POU6F2: variants seen among roughly 807,000 people sequenced by gnomAD.
POU6F2 encodes the protein POU domain, class 6, transcription factor 2.
Under a neutral mutation model 71.3 loss-of-function variants are expected in POU6F2, and 31 were observed. That is an observed-to-expected ratio of 0.43 (90% CI 0.33 to 0.59). POU6F2 has a LOEUF of 0.59. POU6F2 is among the 20% of genes least tolerant of loss of function. POU6F2 has a pLI of 0.04. For missense variants in POU6F2, 783 were observed against 856.8 expected, an observed-to-expected ratio of 0.91 and a Z score of 1.07; for synonymous variants, 347 against 355.7, an observed-to-expected ratio of 0.98 and a Z score of 0.27.
chr7:39,273,561 G>A (rs1164058947), intron 4 of POU6F2, among the ~76,000 whole-genome samples: 1 of 152,208 alleles, frequency 6.6e-6, no homozygotes, highest in Non-Finnish European at 1.5e-5. Context: ...ACAGGCCAGA[G>A]GAGACTGGGG....
At chr7:39,373,422 G>A (rs994302073) in intron 5 of POU6F2, 14 of 456,562 alleles carry the variant, frequency 3.1e-5, no homozygotes, top group African/African-American at 1.2e-4. Context: ...CAACAGTCAT[G>A]TTCCTGTTCT....
At chr7:39,085,396 GCTTCTTAA>G (rs1489229805) in intron 1 of POU6F2, among the ~76,000 whole-genome samples, 1 of 151,858 alleles carries the variant, frequency 6.6e-6, no homozygotes, top group Non-Finnish European at 1.5e-5. Context: ...CGGGGAGAAG[GCTTCTTAA>G]AATAGCCCGT....
intron 1 of POU6F2, among the ~76,000 whole-genome samples, chr7:39,017,977 C>T (rs578065336): frequency 9.9e-5 from 15 of 151,924 alleles, no homozygotes; most frequent in African/African-American, 3.4e-4. Context: ...TTTCTTTTTC[C>T]GGCCTTGCTG....
At chr7:39,095,179 A>C (rs972512851) in intron 2 of POU6F2, among the ~76,000 whole-genome samples, 1 of 152,174 alleles carries the variant, frequency 6.6e-6, no homozygotes, top group African/African-American at 2.4e-5. Flanking sequence ...TCACTGTTTT[A>C]AGTGTTGATT....
chr7:39,381,016 G>C (rs1786816798), intron 5 of POU6F2, among the ~76,000 whole-genome samples: 1 of 152,154 alleles, frequency 6.6e-6, no homozygotes, highest in Admixed American at 6.5e-5. Context: ...TGGAGTGACA[G>C]GAAAATTGTG....
At chr7:39,168,863 G>A (rs1003759809) in intron 2 of POU6F2, among the ~76,000 whole-genome samples, 6 of 152,120 alleles carry the variant, frequency 3.9e-5, no homozygotes, top group South Asian at 4.1e-4. Context: ...CACCAGAGCC[G>A]GCAGTGATTG....
At chr7:39,061,422 A>T (rs1464595253) in intron 1 of POU6F2, among the ~76,000 whole-genome samples, 1 of 152,176 alleles carries the variant, frequency 6.6e-6, no homozygotes, top group Non-Finnish European at 1.5e-5. Context: ...AAGTAGAATT[A>T]AAAACCCATG....
chr7:39,185,014 C>G (rs1014034482), intron 2 of POU6F2, among the ~76,000 whole-genome samples: 5 of 152,086 alleles, frequency 3.3e-5, no homozygotes, highest in African/African-American at 1.2e-4. Flanking sequence ...TATTTGTATA[C>G]GGAAGACTCA....
At chr7:39,180,590 T>A (rs1321711958) in intron 2 of POU6F2, among the ~76,000 whole-genome samples, 2 of 152,156 alleles carry the variant, frequency 1.3e-5, no homozygotes, top group Admixed American at 1.3e-4. Context: ...GCCTCGTGTC[T>A]CCGCTATTCC....
chr7:39,419,116 TATATGTGTATATATACACATATATATAC>T (rs1787782406), intron 6 of POU6F2, among the ~76,000 whole-genome samples: 5 of 60,232 alleles, frequency 8.3e-5, no homozygotes, highest in Admixed American at 3.1e-4. Context: ...TATATACGTA[TATATGTGTATATATACACATATATATAC>T]GTATATATGT....
intron 5 of POU6F2, among the ~76,000 whole-genome samples, chr7:39,343,268 G>A (rs1452100535): frequency 6.6e-6 from 1 of 152,198 alleles, no homozygotes; most frequent in African/African-American, 2.4e-5. Flanking sequence ...CCAGGATGGA[G>A]AGCAGTCCAT....
At chr7:39,172,278 T>C (rs1365633981) in intron 2 of POU6F2, among the ~76,000 whole-genome samples, 4 of 152,196 alleles carry the variant, frequency 2.6e-5, no homozygotes, top group Non-Finnish European at 4.4e-5. Context: ...TACTTAACAT[T>C]CCAGCTCACT....
chr7:39,081,717 G>A (rs1386478013), intron 1 of POU6F2, among the ~76,000 whole-genome samples: 1 of 152,162 alleles, frequency 6.6e-6, no homozygotes, highest in Admixed American at 6.5e-5. Flanking sequence ...CCTACATTCT[G>A]TAGGGAAGAT....
At chr7:39,453,043 G>T (rs1229068097) in intron 8 of POU6F2, among the ~76,000 whole-genome samples, 1 of 152,208 alleles carries the variant, frequency 6.6e-6, no homozygotes. Context: ...AGTGAGCTGA[G>T]ATCGCACCAT....
intron 8 of POU6F2, among the ~76,000 whole-genome samples, chr7:39,452,053 C>T (rs1423083835): frequency 6.6e-6 from 1 of 152,186 alleles, no homozygotes; most frequent in Non-Finnish European, 1.5e-5. Context: ...AAATAACCAA[C>T]AACAGGCACT....
chr7:39,375,000 A>C (rs1786683679), intron 5 of POU6F2, among the ~76,000 whole-genome samples: 1 of 152,210 alleles, frequency 6.6e-6, no homozygotes, highest in Non-Finnish European at 1.5e-5. Context: ...TGCTTTCTAC[A>C]GTTTGGGGAA....
chr7:39,264,337 G>A (rs1450215833), intron 4 of POU6F2, among the ~76,000 whole-genome samples: 1 of 152,206 alleles, frequency 6.6e-6, no homozygotes, highest in Non-Finnish European at 1.5e-5. Flanking sequence ...TCATTCAAAT[G>A]CACTTGGACG....
intron 4 of POU6F2, among the ~76,000 whole-genome samples, chr7:39,303,754 A>G (rs1204061034): frequency 6.6e-6 from 1 of 152,190 alleles, no homozygotes; most frequent in African/African-American, 2.4e-5. Context: ...CAATCTATAT[A>G]TTTATAGGAA....
intron 4 of POU6F2, among the ~76,000 whole-genome samples, chr7:39,274,777 T>G (rs1385659721): frequency 5.9e-4 from 75 of 126,638 alleles, no homozygotes; most frequent in African/African-American, 2.2e-3. Context: ...ATCCAGCATA[T>G]AAACAGAACC....
Sources: allele counts gnomAD v4.1 joint callset (sites outside exome capture counted in the v4.1 genomes callset), GRCh38; gene constraint gnomAD v4.1.1; transcripts MANE v1.5; gene names NCBI Gene and HGNC (gene_info 2026-07-23, HGNC 2026-07-21).